The following THADA variants were observed in gnomAD, a reference collection of about 807,000 sequenced individuals.
THADA encodes the protein tRNA (32-2'-O)-methyltransferase regulator THADA.
Under a neutral mutation model 219.8 loss-of-function variants are expected in THADA, and 213 were observed. The ratio of observed to expected loss-of-function variants is 0.97; its 90% confidence interval spans 0.87 to 1.09. THADA has a LOEUF of 1.09. Among genes scored for constraint, THADA ranks in the 50% least tolerant of loss-of-function variants. The pLI, the probability that THADA is intolerant of heterozygous loss-of-function variation, is 0.00. For synonymous variants in THADA, 1,018 were observed against 828.9 expected (o/e 1.23, Z -3.92); for missense variants, 2,956 against 2,311.3 (o/e 1.28, Z -5.72).
chr2:43,331,410 T>G (rs1275749555), intron 30 of THADA, among the ~76,000 whole-genome samples: 2 of 152,196 alleles, frequency 1.3e-5, no homozygotes, highest in Non-Finnish European at 2.9e-5. Context: ...CTAAGCGAGG[T>G]TGGAAAGATG....
chr2:43,497,756 C>T (rs1298994502), intron 25 of THADA, among the ~76,000 whole-genome samples: 1 of 151,910 alleles, frequency 6.6e-6, no homozygotes, highest in Non-Finnish European at 1.5e-5. Context: ...GTGGTGGCAT[C>T]CACTTGTAGT....
chr2:43,414,703 A>G (rs750871846), intron 28 of THADA, among the ~76,000 whole-genome samples: 1 of 152,152 alleles, frequency 6.6e-6, no homozygotes, highest in Non-Finnish European at 1.5e-5. Flanking sequence ...ATATAAACAA[A>G]ACTGTAACTA....
chr2:43,371,459 A>G (rs964740579), intron 29 of THADA, among the ~76,000 whole-genome samples: 3 of 152,246 alleles, frequency 2.0e-5, no homozygotes, highest in South Asian at 2.1e-4. Context: ...TTTTCATAAT[A>G]TAAGAAAGAG....
intron 29 of THADA, among the ~76,000 whole-genome samples, chr2:43,372,984 C>T (rs1440495717): frequency 1.3e-5 from 2 of 152,090 alleles, no homozygotes; most frequent in Admixed American, 1.3e-4. Context: ...AGCCACCACG[C>T]CCAGCCAAGT....
At chr2:43,296,719 C>T (rs975933170) in intron 31 of THADA, among the ~76,000 whole-genome samples, 2 of 152,326 alleles carry the variant, frequency 1.3e-5, no homozygotes, top group South Asian at 2.1e-4. Flanking sequence ...TCTCCAGGTA[C>T]CATTTCCCTA....
At chr2:43,594,456 C>T (rs1330691402) in intron 1 of THADA, among the ~76,000 whole-genome samples, 1 of 151,988 alleles carries the variant, frequency 6.6e-6, no homozygotes, top group Admixed American at 6.6e-5. Context: ...TGGTGGCAGG[C>T]GCCTATAACC....
intron 33 of THADA, 119 bp downstream of exon 33, chr2:43,291,985 G>T: frequency 1.3e-6 from 1 of 783,806 alleles, no homozygotes; most frequent in Non-Finnish European, 2.0e-6. Context: ...TTAGGCTGAG[G>T]TTTAGAATGA....
intron 36 of THADA, among the ~76,000 whole-genome samples, chr2:43,261,128 T>A (rs1165752083): frequency 6.6e-6 from 1 of 152,072 alleles, no homozygotes; most frequent in Non-Finnish European, 1.5e-5. Context: ...TCTTCATACT[T>A]TTTGTCTTAA....
intron 4 of THADA, 147 bp from the exon 5 acceptor site, chr2:43,587,149 G>A (rs1264874874): frequency 4.9e-6 from 4 of 823,544 alleles, no homozygotes; most frequent in East Asian, 2.7e-5. Context: ...ACCATCACTC[G>A]AATTTCCTGG....
At chr2:43,473,085 T>C (rs187461343) in intron 26 of THADA, among the ~76,000 whole-genome samples, 1 of 152,174 alleles carries the variant, frequency 6.6e-6, no homozygotes, top group Admixed American at 6.5e-5. Flanking sequence ...CTACACTAAA[T>C]TGATTTAAAA....
intron 26 of THADA, among the ~76,000 whole-genome samples, chr2:43,437,402 G>T (rs1212041183): frequency 3.9e-5 from 6 of 152,168 alleles, no homozygotes; most frequent in Non-Finnish European, 2.9e-5. Context: ...GTTGGTTTCT[G>T]GGATTTGTAC....
At chr2:43,534,531 C>T (rs952074681) in intron 21 of THADA, among the ~76,000 whole-genome samples, 2 of 151,782 alleles carry the variant, frequency 1.3e-5, no homozygotes, top group Non-Finnish European at 2.9e-5. Flanking sequence ...ATTTTTACTT[C>T]GAGTTCAACT....
intron 30 of THADA, among the ~76,000 whole-genome samples, chr2:43,330,855 T>C (rs1679879421): frequency 6.6e-6 from 1 of 152,156 alleles, no homozygotes; most frequent in African/African-American, 2.4e-5. Context: ...AGAAAGCAGG[T>C]CAAGAGGCAA....
intron 26 of THADA, among the ~76,000 whole-genome samples, chr2:43,436,583 T>C (rs1680145309): frequency 6.6e-6 from 1 of 152,176 alleles, no homozygotes; most frequent in Non-Finnish European, 1.5e-5. Context: ...TCTGTAGCCA[T>C]AGCTCAATCA....
At position 43,574,718 on chromosome 2, in the gene THADA, C is replaced by T; in HGVS notation, c.1347G>A (p.Trp449Ter). The change falls in exon 11 of 38, where the codon TGG becomes TGA. Residue 449 changes from tryptophan (W) to a stop codon, truncating the protein, a stop_gained. Transcript: ENST00000405975. LOFTEE classifies it high-confidence loss of function. ...ELTESLLRLE[W>*]HIKGKYTCLG... is the part of the protein sequence containing the mutation. ...GGCACGTGTACTTTCCTTTAATATGCCATTCCAATCGTAAAAGACTCTCAG... is the reference window on the plus strand; with the variant it reads ...GGCACGTGTACTTTCCTTTAATATGTCATTCCAATCGTAAAAGACTCTCAG... 1.9e-6 allele frequency: 3 copies of T among 1,613,996 alleles called. No individual in the cohort carries two copies. Among genetic ancestry groups the T allele is most frequent in the Non-Finnish European group, 2.5e-6 (3 of 1,179,888 alleles).
chr2:43,474,847 T>A (rs936855760), intron 26 of THADA, among the ~76,000 whole-genome samples: 3 of 152,184 alleles, frequency 2.0e-5, no homozygotes, highest in Non-Finnish European at 2.9e-5. Flanking sequence ...CTCCAAGATT[T>A]AGTAACCTGT....
At chr2:43,296,316 C>T (rs1415578964) in intron 31 of THADA, among the ~76,000 whole-genome samples, 1 of 151,522 alleles carries the variant, frequency 6.6e-6, no homozygotes, top group Non-Finnish European at 1.5e-5. Context: ...CCCTCGGTCA[C>T]CCAGGCTGGA....
chr2:43,479,160 T>C (rs1280305683), intron 26 of THADA, among the ~76,000 whole-genome samples: 1 of 152,190 alleles, frequency 6.6e-6, no homozygotes, highest in Non-Finnish European at 1.5e-5. Flanking sequence ...AAGCACCTCT[T>C]TGAGAAAATT....
At chr2:43,500,839 A>C (rs980504719) in intron 24 of THADA, among the ~76,000 whole-genome samples, 4 of 152,200 alleles carry the variant, frequency 2.6e-5, no homozygotes, top group African/African-American at 9.6e-5. Context: ...ATTTACAGGT[A>C]AGTCATTTGC....
Sources: gnomAD v4.1 joint callset for allele counts (sites outside exome capture counted in the v4.1 genomes callset) on GRCh38, gnomAD v4.1.1 for gene constraint, MANE v1.5 for transcripts, NCBI Gene and HGNC (gene_info 2026-07-23, HGNC 2026-07-21) for gene names.